Variants in EYA2 observed in about 807,000 individuals in gnomAD.
The protein encoded by EYA2 is EYA transcriptional coactivator and phosphatase 2, also known as protein phosphatase EYA2.
Under a neutral mutation model 69.2 loss-of-function variants are expected in EYA2, and 31 were observed. That is an observed-to-expected ratio of 0.45 (90% confidence interval 0.34 to 0.60). The LOEUF (loss-of-function observed/expected upper bound fraction) is 0.60, where lower values mean the gene tolerates loss of function less well. Among genes scored for constraint, EYA2 ranks in the 20% least tolerant of loss-of-function variants. The pLI is 0.02. For missense variants in EYA2, 622 were observed against 701.2 expected (o/e 0.89, Z 1.28); for synonymous variants, 257 against 279.4 (o/e 0.92, Z 0.80).
chr20:46,985,552 C>G (rs1237495529), intron 1 of EYA2, among the ~76,000 whole-genome samples: 1 of 152,234 alleles, frequency 6.6e-6, no homozygotes, highest in Non-Finnish European at 1.5e-5. Flanking sequence ...CGTCTCTTTC[C>G]TTAGCAGGCT....
At chr20:47,181,996 T>TA (rs2034546518) in intron 14 of EYA2, among the ~76,000 whole-genome samples, 2 of 152,122 alleles carry the variant, frequency 1.3e-5, no homozygotes, top group Admixed American at 6.6e-5. Context: ...TTAAATAATG[T>TA]AAAATTTTCA....
chr20:47,124,398 A>G (rs2033126332), intron 9 of EYA2, among the ~76,000 whole-genome samples: 1 of 152,210 alleles, frequency 6.6e-6, no homozygotes, highest in South Asian at 2.1e-4. Context: ...AAAGAGCTGC[A>G]TCTTTAGAAG....
chr20:47,097,236 T>A, intron 9 of EYA2, 68 bp downstream of exon 9: 1 of 1,289,966 alleles, frequency 7.8e-7, no homozygotes, highest in African/African-American at 1.5e-5. Flanking sequence ...CAGTTTGTCC[T>A]GGAAATTGTG....
At chr20:47,046,931 T>C (rs2030069515) in intron 5 of EYA2, among the ~76,000 whole-genome samples, 1 of 152,230 alleles carries the variant, frequency 6.6e-6, no homozygotes, top group South Asian at 2.1e-4. Flanking sequence ...TTAACTTCTT[T>C]AAGCTTCAAT....
intron 9 of EYA2, among the ~76,000 whole-genome samples, chr20:47,107,478 A>G (rs1351546164): frequency 1.3e-5 from 2 of 149,010 alleles, no homozygotes; most frequent in African/African-American, 5.0e-5. Context: ...GTGAGCCTAG[A>G]TCATGCCACT....
At chr20:47,161,199 G>T (rs1414374003) in intron 10 of EYA2, 2 of 462,508 alleles carry the variant, frequency 4.3e-6, no homozygotes, top group Non-Finnish European at 7.9e-6. Context: ...ACGGTGTGGG[G>T]CTTGCCGATC....
At chr20:46,912,554 T>C (rs1357720952) in intron 1 of EYA2, among the ~76,000 whole-genome samples, 2 of 152,142 alleles carry the variant, frequency 1.3e-5, no homozygotes, top group Non-Finnish European at 2.9e-5. Context: ...AGCTTTTGTT[T>C]AGGGGGGAAA....
intron 1 of EYA2, among the ~76,000 whole-genome samples, chr20:46,909,497 G>T (rs760975365): frequency 2.0e-5 from 3 of 152,106 alleles, no homozygotes; most frequent in Non-Finnish European, 4.4e-5. Flanking sequence ...CTTAGCTGTG[G>T]AGATTGCTCC....
intron 8 of EYA2, among the ~76,000 whole-genome samples, chr20:47,094,103 CA>C (rs1309489080): frequency 5.9e-5 from 9 of 152,326 alleles, no homozygotes; most frequent in African/African-American, 2.2e-4. Flanking sequence ...GAATGGCCAC[CA>C]GGAACTTACC....
intron 1 of EYA2, among the ~76,000 whole-genome samples, chr20:46,959,801 T>C (rs879714816): frequency 6.6e-6 from 1 of 152,166 alleles, no homozygotes; most frequent in Non-Finnish European, 1.5e-5. Context: ...CTCTTTTCTC[T>C]GAAATTCTCC....
intron 8 of EYA2, among the ~76,000 whole-genome samples, chr20:47,093,691 T>C (rs1413234488): frequency 6.6e-6 from 1 of 152,244 alleles, no homozygotes; most frequent in Non-Finnish European, 1.5e-5. Flanking sequence ...AAGAGCCACA[T>C]TGAGCCAAAC....
chr20:47,096,331 C>T (rs1238058947), intron 8 of EYA2, among the ~76,000 whole-genome samples: 1 of 152,142 alleles, frequency 6.6e-6, no homozygotes, highest in Non-Finnish European at 1.5e-5. Context: ...TTGACATAGG[C>T]AGAGTGCAGA....
At chr20:46,986,542 C>T (rs893464836) in intron 1 of EYA2, among the ~76,000 whole-genome samples, 4 of 133,782 alleles carry the variant, frequency 3.0e-5, no homozygotes, top group African/African-American at 1.1e-4. Context: ...GCCCATTTTG[C>T]GTTGCTGTAA....
At chr20:47,042,704 G>A (rs1231192745) in intron 5 of EYA2, among the ~76,000 whole-genome samples, 2 of 152,082 alleles carry the variant, frequency 1.3e-5, no homozygotes, top group Non-Finnish European at 2.9e-5. Context: ...TCCCTCTGTC[G>A]GTCTACCCTG....
intron 10 of EYA2, among the ~76,000 whole-genome samples, chr20:47,152,734 C>G (rs1032070772): frequency 2.6e-5 from 4 of 151,322 alleles, no homozygotes; most frequent in Admixed American, 1.3e-4. Context: ...TCACTCGAAC[C>G]CAGGAGGCAA....
chr20:47,142,586 G>A (rs1035275079), intron 9 of EYA2, among the ~76,000 whole-genome samples: 1 of 152,220 alleles, frequency 6.6e-6, no homozygotes, highest in African/African-American at 2.4e-5. Flanking sequence ...ATATCAAGAG[G>A]AGGGAGTAAG....
rs113370982 is a variant in EYA2 at position 47,173,221 on chromosome 20, T to C, written c.1198+354T>C. On this transcript the variant is annotated intron_variant, in intron 12 of 15. Transcript: ENST00000327619. ...CCTGGGGATGTGTTGAAAATGCAGA[T>C]TCTCTGGCCCTACCTCAGGCCTAGC... Among the ~76,000 whole-genome samples the C allele has an allele frequency of 2.1e-3, 320 of 152,170 alleles. 1 individual carries two copies. The highest frequency in any genetic ancestry group is 7.2e-3 in the African/African-American group (298 of 41,512).
At chr20:46,978,428 G>T (rs550931833) in intron 1 of EYA2, 1 of 378,834 alleles carries the variant, frequency 2.6e-6, no homozygotes, top group African/African-American at 2.1e-5. Context: ...TGAGGCCTCT[G>T]CAGGGTGAGC....
At chr20:46,921,812 T>A (rs1262655648) in intron 1 of EYA2, among the ~76,000 whole-genome samples, 1 of 152,224 alleles carries the variant, frequency 6.6e-6, no homozygotes, top group East Asian at 1.9e-4. Flanking sequence ...CTAGATACCA[T>A]GTGTTATTCC....
Sources: allele counts gnomAD v4.1 joint callset (sites outside exome capture counted in the v4.1 genomes callset), GRCh38; gene constraint gnomAD v4.1.1; transcripts MANE v1.5; gene names NCBI Gene and HGNC (gene_info 2026-07-23, HGNC 2026-07-21).